Variants in GATA4 observed in about 807,000 individuals in gnomAD.
GATA4 encodes the protein GATA binding protein 4.
In GATA4, 7 loss-of-function variants were observed where a neutral mutation model predicts 37.9. The ratio of observed to expected loss-of-function variants is 0.18; its 90% CI spans 0.11 to 0.35. The LOEUF (loss-of-function observed/expected upper bound fraction) is 0.35. Ranked by LOEUF, GATA4 falls within the 10% of genes least tolerant of loss-of-function variation. The pLI is 1.00. For synonymous variants in GATA4, 372 were observed against 292.6 expected (o/e 1.27, Z -2.77); for missense variants, 647 against 653.0 (o/e 0.99, Z 0.10).
intron 2 of GATA4, among the ~76,000 whole-genome samples, chr8:11,727,710 A>G (rs1229409090): frequency 6.6e-6 from 1 of 151,936 alleles, no homozygotes; most frequent in Admixed American, 6.6e-5. Context: ...CCAGTATGGT[A>G]GTGTCTGTCT....
At chr8:11,710,786 AAGAG>A (rs141091702) in intron 2 of GATA4, among the ~76,000 whole-genome samples, 8,030 of 152,066 alleles carry the variant, frequency 0.053, 298 homozygotes, top group South Asian at 0.12. Context: ...GGTTAAGGAA[AAGAG>A]AGAAGTTAAA....
rs1008491151 is a variant in GATA4 at position 11,758,513 on chromosome 8, G to T, written c.*38G>T. On this transcript the variant is annotated 3_prime_UTR_variant, in exon 7 of 7. Coordinates refer to ENST00000532059, the MANE Select transcript of GATA4 (RefSeq NM_001308093.3). ...CCTCCTCAAATTCCTGCACGGACCT[G>T]GGACTTGGAGGATAGCAAAGAAGGA... 2.5e-6 allele frequency: 4 copies of T among 1,607,884 alleles called. No homozygotes were observed. The highest frequency in any genetic ancestry group is 1.3e-5 in the African/African-American group (1 of 74,772).
At chr8:11,724,284 C>T (rs967558464) in intron 2 of GATA4, among the ~76,000 whole-genome samples, 1 of 152,110 alleles carries the variant, frequency 6.6e-6, no homozygotes, top group Non-Finnish European at 1.5e-5. Context: ...CATGGGTGAA[C>T]AAATATCTAT....
intron 2 of GATA4, among the ~76,000 whole-genome samples, chr8:11,723,424 T>C (rs1800768115): frequency 1.3e-5 from 2 of 152,218 alleles, no homozygotes; most frequent in African/African-American, 4.8e-5. Context: ...GTTCAGATTG[T>C]CCTATCTTTG....
At chr8:11,754,948 C>CT in intron 4 of GATA4, 98 bp from the exon 5 acceptor site, 1 of 901,712 alleles carries the variant, frequency 1.1e-6, no homozygotes, top group Admixed American at 2.0e-5. Flanking sequence ...GGAGAGATTG[C>CT]TTAGGTGTTG....
chr8:11,752,430 G>C (rs1043356066), intron 4 of GATA4, among the ~76,000 whole-genome samples: 5 of 151,752 alleles, frequency 3.3e-5, no homozygotes, highest in Non-Finnish European at 7.3e-5. Flanking sequence ...AGGCAAGAGA[G>C]AATGAGAGCC....
intron 2 of GATA4, among the ~76,000 whole-genome samples, chr8:11,714,863 G>A (rs1234899232): frequency 6.6e-6 from 1 of 152,202 alleles, no homozygotes. Flanking sequence ...GTGGGTGGGA[G>A]TGTAAATCGC....
At chr8:11,677,520 G>C (rs1003461340) in intron 1 of GATA4, among the ~76,000 whole-genome samples, 1 of 152,122 alleles carries the variant, frequency 6.6e-6, no homozygotes, top group Non-Finnish European at 1.5e-5. Context: ...GCTTCCTCCA[G>C]AACACCCAAA....
In GATA4 at chr8:11,750,253, C is replaced by T. The variant is rs367802251; in HGVS notation, c.912+17C>T. 1.1e-5 allele frequency: 17 copies of T among 1,611,252 alleles called. No individual in the cohort carries two copies. In the African/African-American group the frequency reaches 2.1e-4, roughly 20 times the overall value. On this transcript the variant is annotated intron_variant, in intron 4 of 6. Transcript: ENST00000532059. ...CTCCACGGGGTACGTGGGTCCTGCG[C>T]CCATGCGGCATCCTTGCCTTCTGAT...
chr8:11,712,927 A>G (rs1585607360), intron 2 of GATA4, among the ~76,000 whole-genome samples: 1 of 152,368 alleles, frequency 6.6e-6, no homozygotes, highest in African/African-American at 2.4e-5. Context: ...GTACCATGAA[A>G]TAATACAATG....
chr8:11,701,524 G>A (rs535984989), upstream of GATA4, among the ~76,000 whole-genome samples: 20 of 152,288 alleles, frequency 1.3e-4, no homozygotes, highest in East Asian at 3.3e-3. Flanking sequence ...GCCTTGAAAT[G>A]CTCCCCGCTC....
chr8:11,759,998 C>G lies in GATA4; in HGVS notation c.*1523C>G, dbSNP rs1356504671. 6.6e-6 allele frequency: 1 copy of G among 152,670 alleles called. No individual in the cohort carries two copies. Among genetic ancestry groups the G allele is most frequent in the Admixed American group, 6.5e-5 (1 of 15,288 alleles). The allele number at this position is 152,670 out of a possible 1,614,324, so 9.5% of individuals were successfully genotyped here. ...AACTAATAAATTTATCTGTATTCCTCTTTCCCTCGTCCCTTAGTGGTCTTC... is the reference window on the plus strand; with the variant it reads ...AACTAATAAATTTATCTGTATTCCTGTTTCCCTCGTCCCTTAGTGGTCTTC... On this transcript the variant is annotated 3_prime_UTR_variant, in exon 7 of 7. Coordinates refer to ENST00000532059, the MANE Select transcript of GATA4 (RefSeq NM_001308093.3).
rs1802617707 is a variant in GATA4 at position 11,757,068 on chromosome 8, C to G, written c.1134C>G (p.Ser378Arg). The stretch of plus-strand genomic sequence containing the variant: ...GCCTGTCATCTCACTACGGGCACAG[C>G]AGCTCCGTGTCCCAGGTACGCGCCA... ...EPGLSSHYGHSSSVSQTFSVS... is the reference protein window; with the variant it reads ...EPGLSSHYGHRSSVSQTFSVS... Residue 378 changes from serine (S) to arginine (R), a missense_variant, in exon 6 of 7, where the codon AGC becomes AGG. Physicochemically the swap from Ser to Arg is moderately radical, Grantham distance 110. This residue lies in a region of GATA4 where 184 missense variants were observed against 157.1 expected (regional missense o/e 1.17). Coordinates refer to ENST00000532059, the MANE Select transcript of GATA4 (RefSeq NM_001308093.3). 6.2e-7 allele frequency: 1 copy of G among 1,614,122 alleles called. No homozygotes were observed. Among genetic ancestry groups the G allele is most frequent in the Non-Finnish European group, 8.5e-7 (1 of 1,179,982 alleles).
chr8:11,718,634 G>A (rs1800535726), intron 2 of GATA4, among the ~76,000 whole-genome samples: 1 of 152,240 alleles, frequency 6.6e-6, no homozygotes, highest in African/African-American at 2.4e-5. Flanking sequence ...CTTCCAGGCA[G>A]ATCAAAGCCA....
At chr8:11,688,408 G>A (rs1257248488), upstream of GATA4, among the ~76,000 whole-genome samples, 2 of 152,302 alleles carry the variant, frequency 1.3e-5, no homozygotes, top group South Asian at 4.1e-4. Context: ...CCTACTCTGT[G>A]CAGACCACTG....
At chr8:11,695,187 C>T (rs1216256471) in intron 1 of GATA4, among the ~76,000 whole-genome samples, 3 of 152,144 alleles carry the variant, frequency 2.0e-5, no homozygotes, top group East Asian at 3.9e-4. Flanking sequence ...GGGTGGATCA[C>T]CTGAGGCTGG....
intron 2 of GATA4, among the ~76,000 whole-genome samples, chr8:11,715,012 C>T (rs1800375768): frequency 6.6e-6 from 1 of 152,056 alleles, no homozygotes; most frequent in Non-Finnish European, 1.5e-5. Flanking sequence ...CTCGTAATAA[C>T]AAAATTGGAA....
intron 2 of GATA4, among the ~76,000 whole-genome samples, chr8:11,729,851 T>C (rs1014067105): frequency 6.6e-6 from 1 of 152,248 alleles, no homozygotes; most frequent in Non-Finnish European, 1.5e-5. Context: ...ACTTATTAGT[T>C]AGTCGTTATA....
At chr8:11,692,853 G>A (rs554088166) in intron 1 of GATA4, 2 of 981,392 alleles carry the variant, frequency 2.0e-6, no homozygotes, top group East Asian at 2.3e-4. Context: ...GCCGGGGGCT[G>A]ACCCCGAGCG....
Sources: allele counts gnomAD v4.1 joint callset (sites outside exome capture counted in the v4.1 genomes callset), GRCh38; gene constraint gnomAD v4.1.1; regional missense constraint gnomAD v4.1.1; transcripts MANE v1.5; gene names NCBI Gene and HGNC (gene_info 2026-07-23, HGNC 2026-07-21).